The following RBFOX3 variants were observed in gnomAD, a reference collection of about 807,000 sequenced individuals.
RBFOX3 encodes the protein RNA binding protein fox-1 homolog 3.
RBFOX3 carries 17 observed loss-of-function variants against 48.7 expected under a neutral mutation model. The observed-to-expected ratio is 0.35, with a 90% CI of 0.24 to 0.52. The LOEUF is 0.52. RBFOX3 is among the 20% of genes least tolerant of loss of function. The pLI is 0.94. For synonymous variants in RBFOX3, 212 were observed against 209.5 expected, an observed-to-expected ratio of 1.01 and a Z score of -0.10; for missense variants, 382 against 497.5, an observed-to-expected ratio of 0.77 and a Z score of 2.21.
chr17:79,620,539 A>G, the RBFOX3 span, among the ~76,000 whole-genome samples: 3 of 149,168 alleles, frequency 2.0e-5, no homozygotes, highest in Non-Finnish European at 4.4e-5. Flanking sequence ...GCGCACATGC[A>G]CACACGCATG....
intron 2 of RBFOX3, among the ~76,000 whole-genome samples, chr17:79,435,810 C>G (rs191376786): frequency 6.6e-6 from 1 of 152,224 alleles, no homozygotes; most frequent in Non-Finnish European, 1.5e-5. Context: ...CTTCCAGTCC[C>G]CGATGTCTCC....
intron 4 of RBFOX3, among the ~76,000 whole-genome samples, chr17:79,135,463 C>T (rs970443666): frequency 6.6e-6 from 1 of 152,214 alleles, no homozygotes; most frequent in Non-Finnish European, 1.5e-5. Flanking sequence ...CACAGGGATG[C>T]TCCCTGGGAG....
the RBFOX3 span, among the ~76,000 whole-genome samples, chr17:79,642,608 G>T: frequency 3.9e-5 from 6 of 152,002 alleles, no homozygotes; most frequent in African/African-American, 1.5e-4. Context: ...TGTCATATGG[G>T]CTTATTATAG....
intron 4 of RBFOX3, among the ~76,000 whole-genome samples, chr17:79,207,103 C>T (rs2057609794): frequency 6.6e-6 from 1 of 152,188 alleles, no homozygotes; most frequent in Non-Finnish European, 1.5e-5. Flanking sequence ...GTTTGCCTGT[C>T]TCCCCAGTAG....
At position 79,528,933 on chromosome 17, in the gene RBFOX3, T is replaced by C. The variant is rs892461687; in HGVS notation, c.-319-46335A>G. Among the ~76,000 whole-genome samples the C allele has an allele frequency of 5.3e-4, 80 of 152,320 alleles. 1 individual carries two copies. The highest frequency in any genetic ancestry group is 1.7e-3 in the African/African-American group (71 of 41,572). ...TCACTCTGCACCGCCCCTCAGTTCC[T>C]GCTTCAGGGCCTCAGGGTATGTGCT... On this transcript the variant is annotated intron_variant, in intron 1 of 14. Transcript: ENST00000693108.
chr17:79,438,544 G>A (rs2070095795), intron 2 of RBFOX3, among the ~76,000 whole-genome samples: 1 of 152,204 alleles, frequency 6.6e-6, no homozygotes, highest in Non-Finnish European at 1.5e-5. Context: ...CCTCACGATA[G>A]CGGGGCAGCC....
chr17:79,457,401 G>GA (rs2074691119), intron 2 of RBFOX3, among the ~76,000 whole-genome samples: 1 of 152,134 alleles, frequency 6.6e-6, no homozygotes, highest in Admixed American at 6.5e-5. Flanking sequence ...ATGGGGGTAC[G>GA]GCCTTTCTAA....
At position 79,317,019 on chromosome 17, in the gene RBFOX3, C is replaced by T. The variant is rs567935325; in HGVS notation, c.-174-9195G>A. On this transcript the variant is annotated intron_variant, in intron 2 of 14. Transcript: ENST00000693108. Reference sequence around the variant, plus strand: ...GCACACACACAGATGTGCACGGACACGTGCACATACACATCCTTCAAAGAA... The same window carrying T: ...GCACACACACAGATGTGCACGGACATGTGCACATACACATCCTTCAAAGAA... 3.2e-3 allele frequency among the ~76,000 whole-genome samples: 482 copies of T among 152,286 alleles called. 2 individuals carry two copies. Among genetic ancestry groups the T allele is most frequent in the Non-Finnish European group, 4.7e-3 (321 of 68,030 alleles).
intron 4 of RBFOX3, among the ~76,000 whole-genome samples, chr17:79,137,721 G>GC (rs1428089054): frequency 3.3e-5 from 5 of 152,230 alleles, no homozygotes; most frequent in Admixed American, 2.6e-4. Flanking sequence ...CATGGAAGAG[G>GC]CGAGTGTGGA....
intron 2 of RBFOX3, among the ~76,000 whole-genome samples, chr17:79,434,094 C>T (rs1555729818): frequency 3.9e-5 from 6 of 152,132 alleles, no homozygotes; most frequent in Non-Finnish European, 5.9e-5. Context: ...AACCCCCCAA[C>T]GGAAAGCACA....
At chr17:79,551,442 G>A (rs2091134947) in intron 1 of RBFOX3, among the ~76,000 whole-genome samples, 2 of 151,006 alleles carry the variant, frequency 1.3e-5, no homozygotes, top group African/African-American at 4.9e-5. Context: ...TCGGTGGATG[G>A]ATGCCTGGTT....
chr17:79,656,921 A>AG, the RBFOX3 span, among the ~76,000 whole-genome samples: 2 of 89,650 alleles, frequency 2.2e-5, no homozygotes, highest in Admixed American at 1.0e-4. Context: ...AGGAAGGAAA[A>AG]GAAAAGAGAA....
the RBFOX3 span, among the ~76,000 whole-genome samples, chr17:79,626,159 G>A: frequency 6.6e-6 from 1 of 152,102 alleles, no homozygotes; most frequent in African/African-American, 2.4e-5. Flanking sequence ...GGAGGATGCT[G>A]GGGGCAAGGA....
intron 2 of RBFOX3, among the ~76,000 whole-genome samples, chr17:79,416,375 C>A (rs1212700971): frequency 6.6e-6 from 1 of 152,212 alleles, no homozygotes; most frequent in African/African-American, 2.4e-5. Flanking sequence ...CCAAAGCCTC[C>A]TCCCTAGCAG....
intron 4 of RBFOX3, among the ~76,000 whole-genome samples, chr17:79,229,266 A>C (rs1000453801): frequency 1.6e-5 from 2 of 123,940 alleles, no homozygotes; most frequent in Non-Finnish European, 3.4e-5. Flanking sequence ...AAAAAAAAAA[A>C]AGGGACAGGG....
At chr17:79,296,804 C>G (rs918177653) in intron 3 of RBFOX3, among the ~76,000 whole-genome samples, 1 of 119,352 alleles carries the variant, frequency 8.4e-6, no homozygotes, top group Non-Finnish European at 1.7e-5. Flanking sequence ...TCCTCTTTTC[C>G]TCCTCCCCAC....
chr17:79,359,714 G>A (rs1293441261), intron 2 of RBFOX3, among the ~76,000 whole-genome samples: 1 of 146,792 alleles, frequency 6.8e-6, no homozygotes, highest in African/African-American at 2.5e-5. Flanking sequence ...ACTATCTCCT[G>A]CACTTCGTAA....
intron 5 of RBFOX3, among the ~76,000 whole-genome samples, chr17:79,108,639 G>A (rs894907655): frequency 6.6e-6 from 1 of 152,242 alleles, no homozygotes; most frequent in Non-Finnish European, 1.5e-5. Context: ...GTGGCTGTCC[G>A]GCTGTCGCCG....
chr17:79,579,707 C>T (rs1339188434), intron 1 of RBFOX3, among the ~76,000 whole-genome samples: 1 of 145,124 alleles, frequency 6.9e-6, no homozygotes, highest in Non-Finnish European at 1.6e-5. Flanking sequence ...AAGTCACTGG[C>T]GCCATGGTGG....
Sources: gnomAD v4.1 joint callset for allele counts (sites outside exome capture counted in the v4.1 genomes callset) on GRCh38, gnomAD v4.1.1 for gene constraint, MANE v1.5 for transcripts, NCBI Gene and HGNC (gene_info 2026-07-23, HGNC 2026-07-21) for gene names.